CTIF: variants seen among roughly 807,000 people sequenced by gnomAD.
The protein encoded by CTIF is cap binding complex dependent translation initiation factor, also known as CBP80/20-dependent translation initiation factor.
Under a neutral mutation model 66.0 loss-of-function variants are expected in CTIF, and 21 were observed. That is an observed-to-expected ratio of 0.32 (90% CI 0.23 to 0.46). The LOEUF is 0.46. Ranked by LOEUF, CTIF falls within the 20% of genes least tolerant of loss-of-function variation. The pLI is 1.00. For synonymous variants in CTIF, 345 were observed against 326.4 expected, an observed-to-expected ratio of 1.06 and a Z score of -0.62; for missense variants, 739 against 812.7, an observed-to-expected ratio of 0.91 and a Z score of 1.10.
chr18:48,723,956 G>A (rs938404856), intron 7 of CTIF, among the ~76,000 whole-genome samples: 1 of 152,200 alleles, frequency 6.6e-6, no homozygotes, highest in Non-Finnish European at 1.5e-5. Flanking sequence ...AAATAAAATA[G>A]CTCAAGAAGA....
chr18:48,648,355 C>A (rs550628312), intron 3 of CTIF, among the ~76,000 whole-genome samples: 1 of 152,122 alleles, frequency 6.6e-6, no homozygotes, highest in Non-Finnish European at 1.5e-5. Flanking sequence ...TTTAGTGCCA[C>A]CCAGAAAGCT....
At chr18:48,764,391 G>A (rs1301739068) in intron 9 of CTIF, among the ~76,000 whole-genome samples, 1 of 152,202 alleles carries the variant, frequency 6.6e-6, no homozygotes, top group Non-Finnish European at 1.5e-5. Context: ...ACAAACTGGG[G>A]TGCGTGCCGT....
Position 48,817,986 on chromosome 18 carries a change from G to A in CTIF, c.1527+610G>A, listed in dbSNP as rs540218598. On this transcript the variant is annotated intron_variant, in intron 10 of 11. Coordinates refer to ENST00000256413, the MANE Select transcript of CTIF (RefSeq NM_014772.3). ...GGCCTATGGTAAGTGTTGTCTCAAT[G>A]AGCGATCTTGGAATTGGATTGGACT... 2.6e-5 allele frequency among the ~76,000 whole-genome samples: 4 copies of A among 152,336 alleles called. No individual in the cohort carries two copies. In the East Asian group the frequency reaches 5.8e-4, roughly 22 times the overall value.
chr18:48,654,277 C>G (rs1280519203), intron 3 of CTIF, among the ~76,000 whole-genome samples: 1 of 151,932 alleles, frequency 6.6e-6, no homozygotes, highest in African/African-American at 2.4e-5. Context: ...AACAAATTTA[C>G]AAGAAAAAAA....
chr18:48,693,656 C>T (rs2091965088), intron 6 of CTIF, among the ~76,000 whole-genome samples: 1 of 152,124 alleles, frequency 6.6e-6, no homozygotes, highest in African/African-American at 2.4e-5. Context: ...GAGAGAAGGG[C>T]CCAGAGAGGG....
At chr18:48,563,117 C>CT (rs2089199866) in intron 1 of CTIF, among the ~76,000 whole-genome samples, 1 of 152,218 alleles carries the variant, frequency 6.6e-6, no homozygotes, top group African/African-American at 2.4e-5. Context: ...CAGACCGGCC[C>CT]TTTCTTAGGA....
At chr18:48,856,002 A>G (rs1400734270) in intron 10 of CTIF, among the ~76,000 whole-genome samples, 1 of 152,240 alleles carries the variant, frequency 6.6e-6, no homozygotes, top group Admixed American at 6.5e-5. Flanking sequence ...GATGATCGAC[A>G]TGGCAGGAGG....
At chr18:48,702,539 G>A (rs1044592331) in intron 6 of CTIF, among the ~76,000 whole-genome samples, 3 of 152,212 alleles carry the variant, frequency 2.0e-5, no homozygotes, top group African/African-American at 4.8e-5. Flanking sequence ...TTAGGTTCAC[G>A]CCACAGGGCA....
intron 7 of CTIF, among the ~76,000 whole-genome samples, chr18:48,757,655 T>G (rs917822571): frequency 6.6e-6 from 1 of 152,214 alleles, no homozygotes; most frequent in Non-Finnish European, 1.5e-5. Context: ...CATTCACACA[T>G]ATTCTAGTAA....
chr18:48,718,840 CT>C (rs1568162091), intron 7 of CTIF, among the ~76,000 whole-genome samples: 1 of 152,154 alleles, frequency 6.6e-6, no homozygotes, highest in Admixed American at 6.5e-5. Context: ...GTAAAGATTT[CT>C]TTTACTCCAA....
intron 7 of CTIF, among the ~76,000 whole-genome samples, chr18:48,743,292 C>T (rs971179829): frequency 6.6e-6 from 1 of 152,210 alleles, no homozygotes; most frequent in Admixed American, 6.5e-5. Context: ...CCTCCTCACT[C>T]ACGTCGTGCA....
intron 3 of CTIF, among the ~76,000 whole-genome samples, chr18:48,645,785 G>A (rs1405402061): frequency 3.9e-5 from 6 of 152,180 alleles, no homozygotes; most frequent in Admixed American, 2.0e-4. Context: ...ATGGGGATCC[G>A]GAACTCCCAC....
At chr18:48,717,158 G>A (rs767999924) in intron 7 of CTIF, among the ~76,000 whole-genome samples, 6 of 152,166 alleles carry the variant, frequency 3.9e-5, no homozygotes, top group Non-Finnish European at 7.3e-5. Flanking sequence ...CAGCACTTTG[G>A]GAGGCTGAGA....
intron 9 of CTIF, among the ~76,000 whole-genome samples, chr18:48,770,414 A>G (rs1253648765): frequency 6.6e-6 from 1 of 152,270 alleles, no homozygotes; most frequent in African/African-American, 2.4e-5. Flanking sequence ...TGTGCACGGC[A>G]TGGGCTTTTA....
chr18:48,789,849 C>A (rs2067754076), intron 9 of CTIF, among the ~76,000 whole-genome samples: 1 of 152,304 alleles, frequency 6.6e-6, no homozygotes, highest in East Asian at 1.9e-4. Context: ...TAATAAGAGA[C>A]CCCATGCTGC....
chr18:48,717,449 T>A (rs935323026), intron 7 of CTIF, among the ~76,000 whole-genome samples: 12 of 142,488 alleles, frequency 8.4e-5, no homozygotes, highest in East Asian at 6.2e-4. Context: ...AAATAAATAA[T>A]AAGAATTTTG....
intron 6 of CTIF, among the ~76,000 whole-genome samples, chr18:48,678,867 T>C (rs759548412): frequency 3.3e-5 from 5 of 152,196 alleles, no homozygotes; most frequent in Non-Finnish European, 7.4e-5. Context: ...GCTAGGATTT[T>C]AGGGATTGGC....
chr18:48,689,588 C>T (rs1330119560), intron 6 of CTIF, among the ~76,000 whole-genome samples: 1 of 152,136 alleles, frequency 6.6e-6, no homozygotes, highest in African/African-American at 2.4e-5. Context: ...GTCACGAGGT[C>T]ATAGGAGGGC....
chr18:48,736,597 G>A (rs1431160136), intron 7 of CTIF, among the ~76,000 whole-genome samples: 3 of 152,240 alleles, frequency 2.0e-5, no homozygotes, highest in East Asian at 1.9e-4. Context: ...TGTGTGAGTC[G>A]TGATGGGGGT....
Sources: gnomAD v4.1 joint callset for allele counts (sites outside exome capture counted in the v4.1 genomes callset) on GRCh38, gnomAD v4.1.1 for gene constraint, MANE v1.5 for transcripts, NCBI Gene and HGNC (gene_info 2026-07-23, HGNC 2026-07-21) for gene names.